PRKCH: variants seen among roughly 807,000 people sequenced by gnomAD.
PRKCH encodes protein kinase C eta, also known as protein kinase C eta type.
A neutral mutation model predicts 82.5 loss-of-function variants in PRKCH; 28 were observed. The ratio of observed to expected loss-of-function variants is 0.34; its 90% CI spans 0.25 to 0.47. The LOEUF (loss-of-function observed/expected upper bound fraction) is 0.47, where lower values mean the gene tolerates loss of function less well. Ranked by LOEUF, PRKCH falls within the 20% of genes least tolerant of loss-of-function variation. The pLI, the probability that PRKCH is intolerant of heterozygous loss-of-function variation, is 1.00. For missense variants in PRKCH, 705 were observed against 881.8 expected (o/e 0.80, Z 2.54); for synonymous variants, 322 against 327.4 (o/e 0.98, Z 0.18).
At chr14:61,504,008 T>A (rs918500538) in intron 10 of PRKCH, among the ~76,000 whole-genome samples, 1 of 152,168 alleles carries the variant, frequency 6.6e-6, no homozygotes, top group African/African-American at 2.4e-5. Context: ...AGGGTTCAAT[T>A]AACAACACAT....
At chr14:61,271,525 A>C (rs919160705) in intron 1 of PRKCH, among the ~76,000 whole-genome samples, 3 of 152,206 alleles carry the variant, frequency 2.0e-5, no homozygotes, top group Non-Finnish European at 4.4e-5. Context: ...AAATTAGAGG[A>C]TGAGAAGTTG....
intron 9 of PRKCH, among the ~76,000 whole-genome samples, chr14:61,484,389 C>G (rs1354158614): frequency 6.7e-6 from 1 of 149,930 alleles, no homozygotes; most frequent in Non-Finnish European, 1.5e-5. Flanking sequence ...GATCCCGGCT[C>G]CGAACTCAGC....
intron 1 of PRKCH, among the ~76,000 whole-genome samples, chr14:61,233,606 T>G (rs548249367): frequency 3.3e-5 from 5 of 152,282 alleles, no homozygotes; most frequent in African/African-American, 1.2e-4. Context: ...AATCCTCATG[T>G]GTGGTGGGAG....
At chr14:61,525,682 A>G (rs1092183) in intron 10 of PRKCH, 91,922 of 152,156 alleles carry the variant, frequency 0.6, 30,025 homozygotes, top group Non-Finnish European at 0.72. Flanking sequence ...CTGCGGGTCA[A>G]CGCTTGAGAC....
chr14:61,503,522 T>G (rs141282564), intron 10 of PRKCH, among the ~76,000 whole-genome samples: 1 of 152,120 alleles, frequency 6.6e-6, no homozygotes, highest in African/African-American at 2.4e-5. Flanking sequence ...ATTTAAGAAA[T>G]AGGACTCTGT....
At chr14:61,263,264 C>T (rs1422997863) in intron 1 of PRKCH, among the ~76,000 whole-genome samples, 1 of 152,122 alleles carries the variant, frequency 6.6e-6, no homozygotes, top group Non-Finnish European at 1.5e-5. Flanking sequence ...TCTACTGCTG[C>T]TGTATGAACT....
At chr14:61,307,496 G>A (rs1237622862) in intron 1 of PRKCH, among the ~76,000 whole-genome samples, 2 of 152,150 alleles carry the variant, frequency 1.3e-5, no homozygotes, top group Non-Finnish European at 2.9e-5. Flanking sequence ...ACTTGAGATA[G>A]GACCCGCTCT....
At chr14:61,449,314 G>T (rs987994132) in intron 5 of PRKCH, 62 bp downstream of exon 5, 1 of 1,406,162 alleles carries the variant, frequency 7.1e-7, no homozygotes, top group Non-Finnish European at 1.0e-6. Flanking sequence ...GTGTACCGCC[G>T]TCTCTCTCCC....
intron 1 of PRKCH, among the ~76,000 whole-genome samples, chr14:61,237,314 C>T (rs1014485086): frequency 2.6e-5 from 4 of 152,034 alleles, no homozygotes; most frequent in Admixed American, 6.5e-5. Context: ...ATAGCAGGCC[C>T]TAAAAGAAAT....
intron 1 of PRKCH, among the ~76,000 whole-genome samples, chr14:61,247,903 G>T (rs187925061): frequency 9.2e-5 from 14 of 152,186 alleles, no homozygotes; most frequent in African/African-American, 3.4e-4. Context: ...TACTGGCATT[G>T]GTAGGCTGAC....
At chr14:61,319,918 C>A (rs1464965065), upstream of PRKCH, among the ~76,000 whole-genome samples, 5 of 152,228 alleles carry the variant, frequency 3.3e-5, no homozygotes, top group African/African-American at 1.2e-4. Flanking sequence ...TACTTGTTTT[C>A]ATTCTGTATA....
intron 1 of PRKCH, among the ~76,000 whole-genome samples, chr14:61,343,875 C>T (rs1479385668): frequency 6.6e-6 from 1 of 152,180 alleles, no homozygotes; most frequent in Non-Finnish European, 1.5e-5. Context: ...TTTGCCTTTT[C>T]CCTGGTCCGG....
intron 1 of PRKCH, among the ~76,000 whole-genome samples, chr14:61,222,030 G>A (rs563386505): frequency 6.6e-6 from 1 of 152,268 alleles, no homozygotes; most frequent in Non-Finnish European, 1.5e-5. Context: ...AGCCTGCAGT[G>A]CCCCCTCCCA....
chr14:61,461,780 A>G (rs549316809), intron 9 of PRKCH, among the ~76,000 whole-genome samples: 31 of 152,272 alleles, frequency 2.0e-4, no homozygotes, highest in African/African-American at 7.2e-4. Flanking sequence ...AACCCAATCA[A>G]TATAGCATAT....
At chr14:61,334,869 A>T (rs532543107) in intron 1 of PRKCH, among the ~76,000 whole-genome samples, 92 of 152,006 alleles carry the variant, frequency 6.1e-4, no homozygotes, top group Non-Finnish European at 5.6e-4. Context: ...TTAATTAATT[A>T]ATTTATTTAA....
At position 61,457,261 on chromosome 14, in the gene PRKCH, G is replaced by A. The variant is rs144117692; in HGVS notation, c.1046G>A (p.Arg349Gln). ...GNGIGVNSSN[R>Q]LGIDNFEFIR... ...GGGATTGGGGTTAATTCTTCCAACC[G>A]ACTTGGTATCGACAACTTTGAGTTC... is the stretch of plus-strand genomic sequence containing the variant. Residue 349 changes from arginine (R) to glutamine (Q), a missense_variant, in exon 8 of 14, where the codon CGA (arginine) becomes CAA (glutamine). Coordinates refer to ENST00000332981, the MANE Select transcript of PRKCH (RefSeq NM_006255.5). The A allele has an allele frequency of 6.2e-6, 10 of 1,614,190 alleles. No individual in the cohort carries two copies. In the Admixed American group the frequency reaches 1.2e-4, roughly 19 times the overall value.
chr14:61,309,352 G>C (rs2045505009), intron 1 of PRKCH, among the ~76,000 whole-genome samples: 1 of 152,202 alleles, frequency 6.6e-6, no homozygotes, highest in African/African-American at 2.4e-5. Flanking sequence ...CATAGTCATG[G>C]ATCTGTGGCA....
upstream of PRKCH, among the ~76,000 whole-genome samples, chr14:61,318,853 AATT>A (rs2045585150): frequency 6.6e-6 from 1 of 151,960 alleles, no homozygotes; most frequent in South Asian, 2.1e-4. Flanking sequence ...ACATCCAGCT[AATT>A]TTTTTAGTTT....
intron 1 of PRKCH, among the ~76,000 whole-genome samples, chr14:61,311,426 C>T (rs1015863833): frequency 6.6e-6 from 1 of 152,244 alleles, no homozygotes; most frequent in Non-Finnish European, 1.5e-5. Context: ...ACCACCTCAG[C>T]CTGGGCTTCA....
Sources: allele counts gnomAD v4.1 joint callset (sites outside exome capture counted in the v4.1 genomes callset), GRCh38; gene constraint gnomAD v4.1.1; transcripts MANE v1.5; gene names NCBI Gene and HGNC (gene_info 2026-07-23, HGNC 2026-07-21).